DSCAM: variants seen among roughly 807,000 people sequenced by gnomAD.
DSCAM encodes DS cell adhesion molecule, also known as cell adhesion molecule DSCAM.
A neutral mutation model predicts 217.7 loss-of-function variants in DSCAM; 47 were observed. The observed-to-expected ratio is 0.22, with a 90% CI of 0.17 to 0.28. The LOEUF (loss-of-function observed/expected upper bound fraction) is 0.28, where lower values mean the gene tolerates loss of function less well. DSCAM is among the 10% of genes least tolerant of loss of function. The pLI, the probability that DSCAM is intolerant of heterozygous loss-of-function variation, is 1.00. For missense variants in DSCAM, 2,080 were observed against 2,618.3 expected (o/e 0.79, Z 4.49); for synonymous variants, 1,056 against 1,015.3 (o/e 1.04, Z -0.76).
At chr21:40,320,682 C>T (rs928661254) in intron 8 of DSCAM, among the ~76,000 whole-genome samples, 2 of 152,174 alleles carry the variant, frequency 1.3e-5, no homozygotes, top group African/African-American at 4.8e-5. Context: ...ACATGGATGG[C>T]ATCAGGCAAA....
At chr21:40,770,455 T>A (rs770488623) in intron 1 of DSCAM, among the ~76,000 whole-genome samples, 2 of 152,208 alleles carry the variant, frequency 1.3e-5, no homozygotes, top group African/African-American at 4.8e-5. Context: ...AATACAGTGA[T>A]GATCTTGTAT....
At chr21:40,805,437 C>A (rs908717451) in intron 1 of DSCAM, among the ~76,000 whole-genome samples, 2 of 152,168 alleles carry the variant, frequency 1.3e-5, no homozygotes, top group African/African-American at 4.8e-5. Flanking sequence ...GGAGTCCAGA[C>A]AGGAGACTGG....
At chr21:40,661,239 C>A (rs1425301563) in intron 3 of DSCAM, among the ~76,000 whole-genome samples, 1 of 152,130 alleles carries the variant, frequency 6.6e-6, no homozygotes, top group Non-Finnish European at 1.5e-5. Context: ...AAATACGTTG[C>A]AGAGGTTTCA....
chr21:40,503,299 G>A (rs1440209774), intron 3 of DSCAM, among the ~76,000 whole-genome samples: 4 of 152,258 alleles, frequency 2.6e-5, no homozygotes, highest in East Asian at 1.9e-4. Flanking sequence ...TTCACTCACC[G>A]CCTGATATGC....
intron 3 of DSCAM, among the ~76,000 whole-genome samples, chr21:40,508,994 A>T (rs2076237275): frequency 6.6e-6 from 1 of 151,406 alleles, no homozygotes; most frequent in Non-Finnish European, 1.5e-5. Flanking sequence ...TCTAAGGTAA[A>T]ATTTTGGTTA....
At chr21:40,389,922 C>T (rs150256102) in intron 3 of DSCAM, among the ~76,000 whole-genome samples, 8 of 152,262 alleles carry the variant, frequency 5.3e-5, no homozygotes, top group South Asian at 4.1e-4. Context: ...CCTAAGAGGA[C>T]GTATTGTGTG....
At chr21:40,173,021 T>C (rs962481262) in intron 15 of DSCAM, among the ~76,000 whole-genome samples, 4 of 152,198 alleles carry the variant, frequency 2.6e-5, no homozygotes, top group Non-Finnish European at 4.4e-5. Flanking sequence ...ATTAAATAAA[T>C]GGCTGATTTA....
intron 1 of DSCAM, among the ~76,000 whole-genome samples, chr21:40,845,686 T>C (rs1166259528): frequency 6.6e-6 from 1 of 152,120 alleles, no homozygotes; most frequent in East Asian, 1.9e-4. Context: ...AGGTTATACA[T>C]TTTATGCAGA....
chr21:40,416,898 C>A (rs1050012521), intron 3 of DSCAM, among the ~76,000 whole-genome samples: 2 of 151,950 alleles, frequency 1.3e-5, no homozygotes, highest in African/African-American at 2.4e-5. Flanking sequence ...TCATGCCCCC[C>A]AAAAATGCTT....
chr21:40,229,324 C>T (rs916805827), intron 11 of DSCAM, among the ~76,000 whole-genome samples: 1 of 152,204 alleles, frequency 6.6e-6, no homozygotes, highest in African/African-American at 2.4e-5. Flanking sequence ...TCCTGGGGTC[C>T]CATGACCTCT....
intron 11 of DSCAM, among the ~76,000 whole-genome samples, chr21:40,227,561 G>A (rs1198496366): frequency 6.6e-6 from 1 of 152,198 alleles, no homozygotes; most frequent in African/African-American, 2.4e-5. Context: ...TGATGACTCT[G>A]TCTTAAGATC....
chr21:40,307,528 T>C (rs1315266258), intron 9 of DSCAM, among the ~76,000 whole-genome samples: 4 of 152,188 alleles, frequency 2.6e-5, no homozygotes, highest in African/African-American at 4.8e-5. Context: ...AGTGTGGCGA[T>C]TCCTCAGGGA....
chr21:40,512,865 G>C (rs1331372504), intron 3 of DSCAM, among the ~76,000 whole-genome samples: 4 of 151,338 alleles, frequency 2.6e-5, no homozygotes, highest in Non-Finnish European at 5.9e-5. Flanking sequence ...CAGCTTCGAC[G>C]CTTGCCCATT....
chr21:40,159,020 T>G (rs2090509407), intron 16 of DSCAM, among the ~76,000 whole-genome samples: 1 of 145,206 alleles, frequency 6.9e-6, no homozygotes, highest in African/African-American at 2.4e-5. Context: ...ACACATTGTG[T>G]TTTTCTGTCT....
chr21:40,647,364 AAAT>A (rs1174368534), intron 3 of DSCAM, among the ~76,000 whole-genome samples: 62 of 152,364 alleles, frequency 4.1e-4, no homozygotes, highest in African/African-American at 1.2e-3. Context: ...ATAGTTGAGA[AAAT>A]AATTATAAAT....
chr21:40,474,209 C>G (rs1442849148), intron 3 of DSCAM, among the ~76,000 whole-genome samples: 1 of 152,116 alleles, frequency 6.6e-6, no homozygotes, highest in South Asian at 2.1e-4. Context: ...AGGAGAATCA[C>G]TTGAACCTAG....
intron 3 of DSCAM, among the ~76,000 whole-genome samples, chr21:40,437,944 G>A (rs1455287198): frequency 2.0e-5 from 3 of 152,222 alleles, no homozygotes; most frequent in Non-Finnish European, 2.9e-5. Flanking sequence ...TTGCAGCAAT[G>A]TTCATCTCAT....
At chr21:40,037,776 G>C (rs2088654640) in intron 32 of DSCAM, among the ~76,000 whole-genome samples, 1 of 142,588 alleles carries the variant, frequency 7.0e-6, no homozygotes, top group Admixed American at 7.1e-5. Flanking sequence ...ATACTACAAG[G>C]CTACAGTAAC....
At chr21:40,800,874 C>A (rs1258715462) in intron 1 of DSCAM, among the ~76,000 whole-genome samples, 1 of 151,792 alleles carries the variant, frequency 6.6e-6, no homozygotes. Flanking sequence ...CACCACCACG[C>A]CCAACTAATT....
Sources: allele counts gnomAD v4.1 joint callset (sites outside exome capture counted in the v4.1 genomes callset), GRCh38; gene constraint gnomAD v4.1.1; transcripts MANE v1.5; gene names NCBI Gene and HGNC (gene_info 2026-07-23, HGNC 2026-07-21).